The following NPHS1 variants were observed in gnomAD, a reference collection of about 807,000 sequenced individuals.
NPHS1 encodes nephrin.
A neutral mutation model predicts 139.7 loss-of-function variants in NPHS1; 107 were observed. That is an observed-to-expected ratio of 0.77 (90% CI 0.66 to 0.90). The LOEUF (loss-of-function observed/expected upper bound fraction) is 0.90. NPHS1 is among the 40% of genes least tolerant of loss of function. The probability of loss-of-function intolerance (pLI) is 0.00; values close to 1 mark genes in which losing one functional copy is unlikely to be tolerated. For missense variants in NPHS1, 1,580 were observed against 1,654.2 expected, an observed-to-expected ratio of 0.96 and a Z score of 0.78; for synonymous variants, 707 against 706.6, an observed-to-expected ratio of 1.00 and a Z score of -0.01.
At position 35,851,344 on chromosome 19, in the gene NPHS1, A is replaced by T; in HGVS notation, c.315T>A (p.Asp105Glu). 1.2e-6 allele frequency: 2 copies of T among 1,613,732 alleles called. No homozygotes were observed. ...HLHIEACDLS[D>E]DAEYECQVGR... The stretch of plus-strand genomic sequence containing the variant: ...CGACCTGGCACTCATACTCCGCGTC[A>T]TCGCTGAGGTCACAGGCCTCGATGT... Residue 105 changes from aspartate to glutamate, a missense_variant, in exon 3 of 29, where the codon GAT becomes GAA. Coordinates refer to ENST00000378910, the MANE Select transcript of NPHS1 (RefSeq NM_004646.4).
intron 15 of NPHS1, 30 bp downstream of exon 15, chr19:35,844,288 CG>C (rs2146822128): frequency 6.2e-7 from 1 of 1,613,906 alleles, no homozygotes; most frequent in East Asian, 2.2e-5. Context: ...CTCCCATCCC[CG>C]GGACCCCTCC....
At chr19:35,846,301 C>T in intron 11 of NPHS1, 107 bp from the exon 12 acceptor site, 1 of 1,214,916 alleles carries the variant, frequency 8.2e-7, no homozygotes, top group Non-Finnish European at 1.2e-6. Flanking sequence ...CAAACAAAGC[C>T]TTTTTCTGAT....
Position 35,842,166 on chromosome 19 carries a change from GT to G in NPHS1, c.2620del (p.Thr874LeufsTer31). The G allele has an allele frequency of 6.2e-7, 1 of 1,609,950 alleles. No individual in the cohort carries two copies. The highest frequency in any genetic ancestry group is 1.1e-5 in the South Asian group (1 of 90,216). The stretch of plus-strand genomic sequence containing the variant: ...CAGAGGGACCCCGTTTTTTGTCCAA[GT>G]GAAAACGATGTTGGGGACACCTCGG... ...RARGVPNIVFTWTKNGVPLDL... is the reference protein window; with the variant it reads ...RARGVPNIVFXWTKNGVPLDL... On this transcript the variant is annotated frameshift_variant, in exon 19 of 29. Coordinates refer to ENST00000378910, the MANE Select transcript of NPHS1 (RefSeq NM_004646.4). LOFTEE classifies it high-confidence loss of function.
chr19:35,846,353 G>C (rs900168675), intron 11 of NPHS1, among the ~76,000 whole-genome samples, 159 bp from the exon 12 acceptor site: 1 of 152,168 alleles, frequency 6.6e-6, no homozygotes, highest in Non-Finnish European at 1.5e-5. Context: ...CTAGGGCAAA[G>C]CAGTGGGGAG....
chr19:35,845,531 G>T lies in NPHS1; in HGVS notation c.1767C>A (p.Gly589=). The T allele has an allele frequency of 1.3e-6, 2 of 1,539,026 alleles. No individual in the cohort carries two copies. Among genetic ancestry groups the T allele is most frequent in the Non-Finnish European group, 8.7e-7 (1 of 1,150,550 alleles). The change falls in exon 14 of 29, where the codon GGC becomes GGA. Residue 589 remains glycine, a synonymous_variant. Coordinates refer to ENST00000378910, the MANE Select transcript of NPHS1 (RefSeq NM_004646.4). The surrounding 1 kb of genome is among the most constrained non-coding windows in gnomAD (Gnocchi z 5.5). ...GGGCTCTCCGGGGTGGGGCGGCCAC[G>T]CCCTCCAGCCTGTGGAACCGGGGTC... ...SWDKEGERLE[G]VAAPPRRAPF... is the part of the protein sequence containing the mutation.
chr19:35,837,938 T>TAAAAA (rs1200757977), intron 22 of NPHS1, among the ~76,000 whole-genome samples: 1,903 of 99,294 alleles, frequency 0.019, 27 homozygotes, highest in African/African-American at 0.028. Flanking sequence ...GTTATTCTCT[T>TAAAAA]AAAAAAAAAA....
At position 35,831,319 on chromosome 19, in the gene NPHS1, C is replaced by T. The variant is rs548792892; in HGVS notation, c.3364G>A (p.Glu1122Lys). 6.8e-6 allele frequency: 11 copies of T among 1,614,134 alleles called. No individual in the cohort carries two copies. Among genetic ancestry groups the T allele is most frequent in the Middle Eastern group, 1.6e-4 (1 of 6,062 alleles). ...NEYEESQWTGERDTQSSTVST... is the reference protein window; with the variant it reads ...NEYEESQWTGKRDTQSSTVST... ...ACCGTGGAGCTCTGAGTGTCCCGCT[C>T]TCCTGTCCACTGGCTCTCCTCATAT... is the stretch of plus-strand genomic sequence containing the variant. Residue 1122 changes from glutamate to lysine, a missense_variant, in exon 26 of 29, where the codon GAG becomes AAG. Physicochemically the swap from Glu to Lys is moderately conservative, Grantham distance 56. Transcript: ENST00000378910.
At chr19:35,851,176 A>G (rs1973242659) in intron 3 of NPHS1, 86 bp downstream of exon 3, 13 of 1,613,064 alleles carry the variant, frequency 8.1e-6, no homozygotes, top group Non-Finnish European at 1.0e-5. Flanking sequence ...GGGAGAGGAG[A>G]GGCTGGGGGC....
intron 23 of NPHS1, 65 bp from the exon 24 acceptor site, chr19:35,831,827 C>A (rs1243020059): frequency 6.6e-7 from 1 of 1,523,438 alleles, no homozygotes; most frequent in Non-Finnish European, 8.8e-7. Context: ...GGTGGGTCTC[C>A]CCGAGAAAGT....
At chr19:35,840,397 C>T (rs562811620) in intron 20 of NPHS1, among the ~76,000 whole-genome samples, 4 of 150,304 alleles carry the variant, frequency 2.7e-5, no homozygotes, top group African/African-American at 7.4e-5. Flanking sequence ...TGCAGTGGTG[C>T]GATCTTGACT....
At position 35,848,160 on chromosome 19, in the gene NPHS1, C is replaced by T. The variant is rs752273821; in HGVS notation, c.1321G>A (p.Ala441Thr). Residue 441 changes from alanine to threonine, a missense_variant, in exon 11 of 29, where the codon GCC (alanine) becomes ACC (threonine). Physicochemically the swap from Ala to Thr is moderately conservative, Grantham distance 58. Coordinates refer to ENST00000378910, the MANE Select transcript of NPHS1 (RefSeq NM_004646.4). ...KSLILNVKYP[A>T]QKLWIEGPPE... ...GGACCCTCAATCCACAGTTTCTGGG[C>T]GGGATCTGGCGGGGAGAGGAAGGAA... The T allele has an allele frequency of 1.4e-5, 23 of 1,613,986 alleles. No homozygotes were observed. The highest frequency in any genetic ancestry group is 6.7e-5 in the East Asian group (3 of 44,890).
Position 35,843,543 on chromosome 19 carries a change from C to A in NPHS1, c.2263G>T (p.Gly755Cys). The change falls in exon 17 of 29, where the codon GGT (glycine) becomes TGT (cysteine). Residue 755 changes from glycine to cysteine, a missense_variant. Coordinates refer to ENST00000378910, the MANE Select transcript of NPHS1 (RefSeq NM_004646.4). ...ACAGTGCAGACTATGTCCACAGAAC[C>A]CCCGACGTTCACCTCAGTGGGGTCC... is the stretch of plus-strand genomic sequence containing the variant. ...LQDPTEVNVG[G>C]SVDIVCTVDA... 6.2e-7 allele frequency: 1 copy of A among 1,614,122 alleles called. No individual in the cohort carries two copies. The highest frequency in any genetic ancestry group is 8.5e-7 in the Non-Finnish European group (1 of 1,180,002).
Position 35,851,066 on chromosome 19 carries a change from T to C in NPHS1, c.421A>G (p.Thr141Ala), listed in dbSNP as rs1568457303. Residue 141 changes from threonine to alanine, a missense_variant, in exon 4 of 29, where the codon ACC (threonine) becomes GCC (alanine). Coordinates refer to ENST00000378910, the MANE Select transcript of NPHS1 (RefSeq NM_004646.4). ...GTGACCATGGTGCCTGCCTCTGGGG[T>C]CAGCAGGAGCAGCTTGGGAGGAACT... The part of the protein sequence containing the change: ...ILVPPKLLLL[T>A]PEAGTMVTWV... The C allele has an allele frequency of 2.5e-6, 4 of 1,613,872 alleles. No individual in the cohort carries two copies. Among genetic ancestry groups the C allele is most frequent in the Non-Finnish European group, 3.4e-6 (4 of 1,180,008 alleles).
chr19:35,831,068 C>T lies in NPHS1; in HGVS notation c.3466G>A (p.Val1156Met), dbSNP rs768179054. 4 of 1,614,152 alleles carry T rather than the reference C, an allele frequency of 2.5e-6. No individual in the cohort carries two copies. Among genetic ancestry groups the T allele is most frequent in the South Asian group, 2.2e-5 (2 of 91,078 alleles). Residue 1156 changes from valine to methionine, a missense_variant, in exon 27 of 29, where the codon GTG becomes ATG. Transcript: ENST00000378910. ...SPQLPPTQEE[V>M]SYSRGFTGED... ...CCTAACTCACCTCGGGAATAAGACA[C>T]CTCCTCCTGCGTCGGGGGCAGCTGG... is the stretch of plus-strand genomic sequence containing the variant.
intron 17 of NPHS1, 78 bp from the exon 18 acceptor site, chr19:35,842,628 C>T (rs1215093212): frequency 2.9e-5 from 41 of 1,420,108 alleles, no homozygotes; most frequent in Non-Finnish European, 4.1e-5. Flanking sequence ...CCTTCTGTAG[C>T]CTCATTCTCC....
Position 35,825,421 on chromosome 19 carries a change from A to G in NPHS1, c.*1093T>C, listed in dbSNP as rs554324381. Among the ~76,000 whole-genome samples the G allele has an allele frequency of 4.7e-4, 71 of 152,268 alleles. 1 individual carries two copies. The highest frequency in any genetic ancestry group is 1.6e-3 in the African/African-American group (66 of 41,558). On this transcript the variant is annotated 3_prime_UTR_variant, in exon 29 of 29. Transcript: ENST00000378910. Reference sequence around the variant, plus strand: ...GAGATATCATTTATGTACAATAAAAATGCACCCATCTTAAGTGTAAAGTTC... The same window carrying G: ...GAGATATCATTTATGTACAATAAAAGTGCACCCATCTTAAGTGTAAAGTTC...
chr19:35,841,089 C>T (rs1045020522), intron 20 of NPHS1, among the ~76,000 whole-genome samples: 4 of 151,580 alleles, frequency 2.6e-5, no homozygotes, highest in Admixed American at 6.6e-5. Context: ...GACATGCAGA[C>T]GTAAGAATGA....
intron 20 of NPHS1, among the ~76,000 whole-genome samples, chr19:35,840,986 T>C (rs1418507544): frequency 6.6e-6 from 1 of 151,812 alleles, no homozygotes; most frequent in Non-Finnish European, 1.5e-5. Flanking sequence ...ATCCTGGTAT[T>C]TTCATACTAC....
At position 35,826,633 on chromosome 19, in the gene NPHS1, G is replaced by A; in HGVS notation, c.3607C>T (p.Leu1203Phe). Residue 1203 changes from leucine to phenylalanine, a missense_variant, in exon 29 of 29, where the codon CTC becomes TTC. Transcript: ENST00000378910. ...YDEVQMGPWD[L>F]HWPEDTYQDP... ...TGATATGTGTCTTCAGGCCAGTGGAGGTCCCAGGGTCCCTGACAGGCAAAA... is the reference window on the plus strand; with the variant it reads ...TGATATGTGTCTTCAGGCCAGTGGAAGTCCCAGGGTCCCTGACAGGCAAAA... 6.2e-7 allele frequency: 1 copy of A among 1,614,114 alleles called. No homozygotes were observed.
Sources: gnomAD v4.1 joint callset for allele counts (sites outside exome capture counted in the v4.1 genomes callset) on GRCh38, gnomAD v4.1.1 for gene constraint, Gnocchi (gnomAD v3.1) non-coding constraint, MANE v1.5 for transcripts, NCBI Gene and HGNC (gene_info 2026-07-23, HGNC 2026-07-21) for gene names.